PCGF5: variants seen among roughly 807,000 people sequenced by gnomAD.
The protein encoded by PCGF5 is polycomb group RING finger protein 5.
In PCGF5, 9 loss-of-function variants were observed where a neutral mutation model predicts 44.3. That is an observed-to-expected ratio of 0.20 (90% CI 0.12 to 0.35). The LOEUF is 0.35. Among genes scored for constraint, PCGF5 ranks in the 10% least tolerant of loss-of-function variants. The probability of loss-of-function intolerance (pLI) is 1.00; values close to 1 mark genes in which losing one functional copy is unlikely to be tolerated. For missense variants in PCGF5, 146 were observed against 305.3 expected (o/e 0.48, Z 3.89); for synonymous variants, 95 against 102.5 (o/e 0.93, Z 0.44).
chr10:91,227,745 C>T (rs1437261018), intron 2 of PCGF5: 1 of 1,000,588 alleles, frequency 1.0e-6, no homozygotes, highest in African/African-American at 1.7e-5. Flanking sequence ...TGACTGGTTT[C>T]TGCCTACCAC....
intron 2 of PCGF5, among the ~76,000 whole-genome samples, chr10:91,234,544 G>T (rs1342225194): frequency 6.6e-6 from 1 of 152,154 alleles, no homozygotes; most frequent in Non-Finnish European, 1.5e-5. Flanking sequence ...ACCAGTGAAT[G>T]ATACACATTT....
chr10:91,257,479 G>A (rs1366159884), intron 6 of PCGF5, among the ~76,000 whole-genome samples: 1 of 147,820 alleles, frequency 6.8e-6, no homozygotes, highest in East Asian at 1.9e-4. Context: ...TGGAGCATAT[G>A]TTCCAAGACC....
At chr10:91,162,944 G>T (rs1446917853), upstream of PCGF5, 1 of 144,126 alleles carries the variant, frequency 6.9e-6, no homozygotes, top group Non-Finnish European at 1.5e-5. Flanking sequence ...CCCAGCCCCC[G>T]CCCCGCGCCG....
intron 2 of PCGF5, among the ~76,000 whole-genome samples, chr10:91,224,139 C>G (rs926387425): frequency 2.0e-5 from 3 of 152,128 alleles, no homozygotes; most frequent in African/African-American, 7.2e-5. Context: ...ATCTGGGAAG[C>G]TATTTAAGCA....
At chr10:91,177,904 C>T (rs1843741140) in intron 1 of PCGF5, among the ~76,000 whole-genome samples, 1 of 151,808 alleles carries the variant, frequency 6.6e-6, no homozygotes, top group Non-Finnish European at 1.5e-5. Flanking sequence ...GTGCACGGTG[C>T]ACTGCACCCA....
intron 9 of PCGF5, among the ~76,000 whole-genome samples, chr10:91,275,813 A>G (rs1365229365): frequency 6.6e-6 from 1 of 152,128 alleles, no homozygotes. Context: ...TAAAATATGT[A>G]TGCTGTTTGA....
chr10:91,213,822 A>G (rs192860419), intron 1 of PCGF5, among the ~76,000 whole-genome samples: 81 of 152,174 alleles, frequency 5.3e-4, no homozygotes, highest in African/African-American at 1.9e-3. Context: ...AGTGTTATGT[A>G]CTACATGTTA....
At chr10:91,221,310 G>T (rs533630000) in intron 1 of PCGF5, among the ~76,000 whole-genome samples, 1 of 152,290 alleles carries the variant, frequency 6.6e-6, no homozygotes, top group South Asian at 2.1e-4. Flanking sequence ...TCCTCTTCCA[G>T]AGGACTTTCT....
At chr10:91,226,289 T>TAAAAAAAAAA (rs66465569) in intron 2 of PCGF5, among the ~76,000 whole-genome samples, 59 of 74,794 alleles carry the variant, frequency 7.9e-4, no homozygotes, top group East Asian at 1.2e-3. Flanking sequence ...TTAAGAAATG[T>TAAAAAAAAAA]AAAAAAAAAA....
chr10:91,267,981 A>C (rs1241046920), intron 8 of PCGF5, among the ~76,000 whole-genome samples: 1 of 152,210 alleles, frequency 6.6e-6, no homozygotes, highest in African/African-American at 2.4e-5. Context: ...ACACAAGGTT[A>C]AGATTCTAAT....
chr10:91,181,276 A>G (rs1843814669), intron 1 of PCGF5, among the ~76,000 whole-genome samples: 1 of 152,198 alleles, frequency 6.6e-6, no homozygotes, highest in Non-Finnish European at 1.5e-5. Context: ...GGGGTTTTCT[A>G]GATATAGGAT....
chr10:91,241,155 A>G (rs981948303), intron 3 of PCGF5, among the ~76,000 whole-genome samples: 7 of 150,840 alleles, frequency 4.6e-5, no homozygotes, highest in African/African-American at 1.5e-4. Context: ...GCTCACCGCA[A>G]CCTCCACCTC....
intron 2 of PCGF5, among the ~76,000 whole-genome samples, chr10:91,230,238 A>G (rs1844964710): frequency 6.6e-6 from 1 of 152,220 alleles, no homozygotes. Context: ...TGGAACTGAT[A>G]TCAGGGTTGG....
At chr10:91,187,116 G>T (rs1422100218) in intron 1 of PCGF5, among the ~76,000 whole-genome samples, 1 of 152,134 alleles carries the variant, frequency 6.6e-6, no homozygotes, top group Non-Finnish European at 1.5e-5. Flanking sequence ...CAGGCTAGTA[G>T]TTCTCAACCC....
intron 1 of PCGF5, among the ~76,000 whole-genome samples, chr10:91,206,202 T>TA (rs1844345794): frequency 1.3e-5 from 2 of 151,422 alleles, no homozygotes; most frequent in Admixed American, 6.6e-5. Flanking sequence ...ATGAACAGGG[T>TA]AGCTCCTGCC....
chr10:91,240,419 C>A, intron 2 of PCGF5, 65 bp from the exon 3 acceptor site: 2 of 1,034,088 alleles, frequency 1.9e-6, no homozygotes, highest in Non-Finnish European at 1.5e-6. Flanking sequence ...TCTAATTACA[C>A]TTAGTTTAAC....
At chr10:91,197,265 G>A (rs1844151909) in intron 1 of PCGF5, among the ~76,000 whole-genome samples, 1 of 152,166 alleles carries the variant, frequency 6.6e-6, no homozygotes, top group Admixed American at 6.5e-5. Context: ...CTGAAGGCTC[G>A]CGAGCTGACT....
At position 91,224,877 on chromosome 10, in the gene PCGF5, A is replaced by G. The variant is rs147934054; in HGVS notation, c.112+1894A>G. Among the ~76,000 whole-genome samples the G allele has an allele frequency of 4.2e-3, 634 of 152,264 alleles. 14 individuals carry two copies. The highest frequency in any genetic ancestry group is 0.035 in the Admixed American group (538 of 15,306). ...AGAACCAATTGGCTACCCTAGAGTT[A>G]TATTCTACTTCCGTTTCCCGTTTCA... On this transcript the variant is annotated intron_variant, in intron 2 of 9. Transcript: ENST00000336126.
rs546808495 is a variant in PCGF5, at chr10:91,191,163, G to A, written c.-184+28082G>A. On this transcript the variant is annotated intron_variant, in intron 1 of 9. Coordinates refer to the PCGF5 transcript ENST00000614189. The stretch of plus-strand genomic sequence containing the variant: ...TGATAAAGTTTAATTTACAAATTAG[G>A]CACAGTAAAAGATTAACAACAACAA... Among the ~76,000 whole-genome samples the A allele has an allele frequency of 3.9e-5, 6 of 152,204 alleles. No homozygotes were observed. In the South Asian group the frequency reaches 1.2e-3, roughly 32 times the overall value.
Sources: gnomAD v4.1 joint callset for allele counts (sites outside exome capture counted in the v4.1 genomes callset) on GRCh38, gnomAD v4.1.1 for gene constraint, MANE v1.5 for transcripts, NCBI Gene and HGNC (gene_info 2026-07-23, HGNC 2026-07-21) for gene names.